The following CENATAC variants were observed in gnomAD, a reference collection of about 807,000 sequenced individuals.
CENATAC encodes the protein coiled-coil domain containing 84.
A neutral mutation model predicts 53.7 loss-of-function variants in CENATAC; 53 were observed. The observed-to-expected ratio is 0.99, with a 90% CI of 0.79 to 1.24. The LOEUF is 1.24. Ranked by LOEUF, CENATAC falls within the 50% of genes most tolerant of loss-of-function variation. The pLI is 0.00. For missense variants in CENATAC, 474 were observed against 417.8 expected (o/e 1.13, Z -1.17); for synonymous variants, 156 against 144.6 (o/e 1.08, Z -0.57).
intron 3 of CENATAC, among the ~76,000 whole-genome samples, chr11:119,006,636 T>C (rs546968256): frequency 7.4e-4 from 112 of 152,356 alleles, no homozygotes; most frequent in African/African-American, 2.6e-3. Context: ...CCCAAAGTAC[T>C]GGGATTACAG....
chr11:119,015,302 TAC>T lies in CENATAC; in HGVS notation c.806-3_806-2del. 1 of 1,609,066 alleles carries T rather than the reference TAC, an allele frequency of 6.2e-7. No individual in the cohort carries two copies. Among genetic ancestry groups the T allele is most frequent in the South Asian group, 1.1e-5 (1 of 90,306 alleles). On this transcript the variant is annotated splice_polypyrimidine_tract_variant and splice_region_variant and intron_variant, in intron 9 of 10. Transcript: ENST00000334418. Reference sequence around the variant, plus strand: ...AAAAATAAAAGTTTCCCTATCATTGTACAGAGGAAAAACAGAAGTTGAAAAAA... The same window carrying T: ...AAAAATAAAAGTTTCCCTATCATTGTAGAGGAAAAACAGAAGTTGAAAAAA...
chr11:119,001,194 G>T (rs1942277329), intron 3 of CENATAC, among the ~76,000 whole-genome samples: 1 of 152,156 alleles, frequency 6.6e-6, no homozygotes, highest in Non-Finnish European at 1.5e-5. Flanking sequence ...CTTACAAGAT[G>T]ATCAGCATTA....
chr11:119,011,407 T>A (rs1354083483), intron 5 of CENATAC, 124 bp downstream of exon 5: 2 of 884,436 alleles, frequency 2.3e-6, no homozygotes, highest in South Asian at 1.5e-5. Context: ...AGAGTTTCGC[T>A]GTGTCACCCA....
At chr11:119,008,455 C>T (rs1267277108) in intron 3 of CENATAC, among the ~76,000 whole-genome samples, 3 of 152,212 alleles carry the variant, frequency 2.0e-5, no homozygotes, top group Non-Finnish European at 4.4e-5. Context: ...TTTCTCTCCA[C>T]CCAAACATCT....
At chr11:119,011,844 C>A in intron 5 of CENATAC, 95 bp from the exon 6 acceptor site, 1 of 1,059,138 alleles carries the variant, frequency 9.4e-7, no homozygotes, top group Non-Finnish European at 1.4e-6. Flanking sequence ...TAATTTGTTT[C>A]CTTCCTGTGA....
Position 119,015,384 on chromosome 11 carries a change from G to C in CENATAC, c.883G>C (p.Gly295Arg). 3.1e-6 allele frequency: 5 copies of C among 1,614,244 alleles called. No individual in the cohort carries two copies. Among genetic ancestry groups the C allele is most frequent in the Non-Finnish European group, 4.2e-6 (5 of 1,180,042 alleles). ...TGATCACAGCTCCAGGACCAGTGCAGGCTGGCTGCCCTCTTTTGGCCGCGT... is the reference window on the plus strand; with the variant it reads ...TGATCACAGCTCCAGGACCAGTGCACGCTGGCTGCCCTCTTTTGGCCGCGT... ...NFDHSSRTSA[G>R]WLPSFGRVWN... The change falls in exon 10 of 11, where the codon GGC (glycine) becomes CGC (arginine). Residue 295 changes from glycine to arginine, a missense_variant. Physicochemically the swap from Gly to Arg is moderately radical, Grantham distance 125. Transcript: ENST00000334418.
At chr11:119,011,015 A>T (rs533801985) in intron 4 of CENATAC, among the ~76,000 whole-genome samples, 185 bp downstream of exon 4, 1 of 152,190 alleles carries the variant, frequency 6.6e-6, no homozygotes, top group African/African-American at 2.4e-5. Context: ...CCAGTTCACA[A>T]TAGTGTTTGT....
intron 2 of CENATAC, 36 bp downstream of exon 2, chr11:118,998,629 C>G: frequency 1.3e-6 from 2 of 1,547,780 alleles, no homozygotes; most frequent in Admixed American, 4.0e-5. Flanking sequence ...CCAGCACAGA[C>G]GCATACATAT....
At chr11:119,011,703 C>G (rs1282505657) in intron 5 of CENATAC, among the ~76,000 whole-genome samples, 1 of 147,596 alleles carries the variant, frequency 6.8e-6, no homozygotes, top group African/African-American at 2.5e-5. Flanking sequence ...ACTCTGACTG[C>G]ATTCTCATCT....
At position 118,998,235 on chromosome 11, in the gene CENATAC, C is replaced by T; in HGVS notation, c.38C>T (p.Thr13Ile). ...PAQRCPLCRQ[T>I]FFCGRGHVYS... ...CAGCGCTGCCCTCTGTGCCGCCAGA[C>T]CTTCTTCTGTGGTCGCGGGCACGTT... Residue 13 changes from threonine to isoleucine, a missense_variant, in exon 1 of 11, where the codon ACC (threonine) becomes ATC (isoleucine). Physicochemically the swap from Thr to Ile is moderately conservative, Grantham distance 89. Transcript: ENST00000334418. The T allele has an allele frequency of 5.0e-6, 8 of 1,586,806 alleles. No homozygotes were observed. The highest frequency in any genetic ancestry group is 6.9e-6 in the Non-Finnish European group (8 of 1,166,810).
intron 3 of CENATAC, among the ~76,000 whole-genome samples, chr11:119,002,139 G>A (rs935686269): frequency 1.7e-4 from 25 of 148,054 alleles, no homozygotes; most frequent in African/African-American, 6.3e-4. Context: ...CAGGAAAATC[G>A]CTTGAGCCCA....
chr11:119,010,621 G>T (rs139391524), intron 3 of CENATAC, 143 bp from the exon 4 acceptor site: 11 of 670,964 alleles, frequency 1.6e-5, no homozygotes, highest in African/African-American at 1.6e-4. Context: ...AAGGACTCTG[G>T]GTGAGAGGTA....
Position 119,014,974 on chromosome 11 carries a change from A to AAAAAG in CENATAC, c.716-20_716-19insAAAAG. 7 of 1,459,502 alleles carry AAAAAG rather than the reference A, an allele frequency of 4.8e-6. No homozygotes were observed. The highest frequency in any genetic ancestry group is 6.6e-6 in the Non-Finnish European group (7 of 1,065,900). The allele number at this position is 1,459,502 out of a possible 1,614,324, so 90.4% of individuals were successfully genotyped here. On this transcript the variant is annotated intron_variant, in intron 8 of 10. Coordinates refer to ENST00000334418, the MANE Select transcript of CENATAC (RefSeq NM_198489.3). ...CTGAAGACTTAAAAAAAAAAAAAAA[A>AAAAAG]GCCTTAATTTTTTTTTCAGGTGCCA...
At position 119,015,773 on chromosome 11, in the gene CENATAC, TAAAAG is replaced by T; in HGVS notation, c.*178_*182del. On this transcript the variant is annotated 3_prime_UTR_variant, in exon 11 of 11. Coordinates refer to ENST00000334418, the MANE Select transcript of CENATAC (RefSeq NM_198489.3). ...GCTGGTTGGACCTGTAAAAAAAAAT[TAAAAG>T]AATCAGAACCATAAAGCTTTGTATC... 7.5e-7 allele frequency: 1 copy of T among 1,326,252 alleles called. No homozygotes were observed. Among genetic ancestry groups the T allele is most frequent in the Non-Finnish European group, 1.1e-6 (1 of 935,378 alleles). 82.2% of individuals were successfully genotyped at this position (1,326,252 alleles called of 1,614,324 possible).
chr11:118,999,333 G>A, intron 3 of CENATAC: 2 of 478,962 alleles, frequency 4.2e-6, no homozygotes, highest in East Asian at 3.2e-5. Flanking sequence ...AATACTAAAA[G>A]TTGACTGTTA....
intron 7 of CENATAC, chr11:119,012,712 TATG>T (rs560401869): frequency 5.3e-5 from 9 of 168,844 alleles, no homozygotes; most frequent in South Asian, 4.6e-4. Flanking sequence ...TTGTACCACT[TATG>T]ATTTTACTCT....
chr11:119,006,202 T>G (rs1000998911), intron 3 of CENATAC, among the ~76,000 whole-genome samples: 21 of 146,986 alleles, frequency 1.4e-4, no homozygotes, highest in Non-Finnish European at 3.0e-5. Context: ...TTCTCTTGAG[T>G]AGCTGGGACT....
chr11:119,003,094 C>T (rs1161786058), intron 3 of CENATAC: 10 of 528,222 alleles, frequency 1.9e-5, no homozygotes, highest in African/African-American at 3.8e-5. Flanking sequence ...TCCATCAGGC[C>T]GAATCAGGGT....
rs781851539 is a variant in CENATAC, at chr11:119,013,255, C to A, written c.708C>A (p.Ile236=). The change falls in exon 8 of 11, where the codon ATC becomes ATA. Residue 236 remains isoleucine, a synonymous_variant. Coordinates refer to ENST00000334418, the MANE Select transcript of CENATAC (RefSeq NM_198489.3). ...GHQDIPGVGN[I]HSGATPPWMI... The stretch of plus-strand genomic sequence containing the variant: ...AGGATATACCAGGAGTTGGTAACAT[C>A]CACTCAGGTAAGGTCCAGGGCAGTG... 6.2e-7 allele frequency: 1 copy of A among 1,609,876 alleles called. No individual in the cohort carries two copies. Among genetic ancestry groups the A allele is most frequent in the South Asian group, 1.1e-5 (1 of 90,450 alleles).
Sources: allele counts gnomAD v4.1 joint callset (sites outside exome capture counted in the v4.1 genomes callset), GRCh38; gene constraint gnomAD v4.1.1; transcripts MANE v1.5; gene names NCBI Gene and HGNC (gene_info 2026-07-23, HGNC 2026-07-21).